HEMK2: variants seen among roughly 807,000 people sequenced by gnomAD.
HEMK2 encodes methyltransferase HEMK2.
At chr21:28,646,577 G>A in the HEMK2 span, among the ~76,000 whole-genome samples, 2 of 152,122 alleles carry the variant, frequency 1.3e-5, no homozygotes, top group African/African-American at 4.8e-5. Flanking sequence ...TTATCTCCAT[G>A]GTTCTATCAA....
At chr21:28,634,607 A>C in the HEMK2 span, among the ~76,000 whole-genome samples, 2 of 152,286 alleles carry the variant, frequency 1.3e-5, no homozygotes, top group South Asian at 4.1e-4. Context: ...ACTGAAAGAC[A>C]GTATGCACAG....
the HEMK2 span, among the ~76,000 whole-genome samples, chr21:28,658,415 A>T: frequency 6.6e-6 from 1 of 152,062 alleles, no homozygotes; most frequent in East Asian, 1.9e-4. Context: ...CTGATGAGGT[A>T]GCAGAGGAAT....
chr21:28,580,695 C>T, the HEMK2 span, among the ~76,000 whole-genome samples: 2 of 152,142 alleles, frequency 1.3e-5, no homozygotes, highest in African/African-American at 2.4e-5. Context: ...ACTCAGCCTC[C>T]TCCATGAAAC....
At chr21:28,876,019 A>G in the HEMK2 span, 1 of 161,964 alleles carries the variant, frequency 6.2e-6, no homozygotes, top group Non-Finnish European at 1.3e-5. Context: ...GAGCTGATAC[A>G]CACCGGAGAT....
chr21:28,628,294 A>G, the HEMK2 span, among the ~76,000 whole-genome samples: 1 of 152,162 alleles, frequency 6.6e-6, no homozygotes, highest in Non-Finnish European at 1.5e-5. Flanking sequence ...TATCAAAAAT[A>G]TGGTGTTTTT....
the HEMK2 span, chr21:28,878,321 C>A: frequency 6.2e-7 from 1 of 1,613,438 alleles, no homozygotes; most frequent in Non-Finnish European, 8.5e-7. Context: ...GCCTCTATTC[C>A]GTGACTTCCT....
chr21:28,609,566 GGAA>G, the HEMK2 span, among the ~76,000 whole-genome samples: 2,202 of 41,754 alleles, frequency 0.053, 79 homozygotes, highest in African/African-American at 0.12. Context: ...TGAATTGCCA[GGAA>G]AAAAAAAAAA....
At chr21:28,777,085 C>T in the HEMK2 span, among the ~76,000 whole-genome samples, 3 of 152,174 alleles carry the variant, frequency 2.0e-5, no homozygotes, top group Non-Finnish European at 4.4e-5. Flanking sequence ...AAAATGTGTT[C>T]ATTCAGTTTT....
chr21:28,700,808 C>A, the HEMK2 span, among the ~76,000 whole-genome samples: 2 of 144,458 alleles, frequency 1.4e-5, no homozygotes, highest in African/African-American at 5.4e-5. Context: ...CCAGTATCAT[C>A]CTGATACCAA....
the HEMK2 span, among the ~76,000 whole-genome samples, chr21:28,809,323 C>T: frequency 6.6e-6 from 1 of 152,088 alleles, no homozygotes; most frequent in Admixed American, 6.6e-5. Context: ...GTATCAGTAA[C>T]ATAATAACAG....
At chr21:28,800,600 G>A in the HEMK2 span, among the ~76,000 whole-genome samples, 2 of 151,920 alleles carry the variant, frequency 1.3e-5, no homozygotes, top group African/African-American at 4.8e-5. Flanking sequence ...AATATATATT[G>A]TGCATGTGTA....
At chr21:28,595,367 A>C in the HEMK2 span, among the ~76,000 whole-genome samples, 3,467 of 141,384 alleles carry the variant, frequency 0.025, 103 homozygotes, top group East Asian at 0.12. Flanking sequence ...CTATCCTTCC[A>C]CTCTCTATCT....
chr21:28,833,833 T>C, the HEMK2 span, among the ~76,000 whole-genome samples: 1 of 152,280 alleles, frequency 6.6e-6, no homozygotes, highest in Admixed American at 6.5e-5. Flanking sequence ...ATCTGTAAAA[T>C]GGGTATAGCA....
chr21:28,690,827 C>T, the HEMK2 span, among the ~76,000 whole-genome samples: 31 of 152,164 alleles, frequency 2.0e-4, no homozygotes, highest in African/African-American at 7.2e-4. Context: ...TACAGCATCT[C>T]CCTCCATCTC....
chr21:28,627,408 C>A, the HEMK2 span, among the ~76,000 whole-genome samples: 1 of 152,126 alleles, frequency 6.6e-6, no homozygotes, highest in African/African-American at 2.4e-5. Context: ...GTGCTCTGAG[C>A]AAAATATTGA....
the HEMK2 span, among the ~76,000 whole-genome samples, chr21:28,772,625 C>A: frequency 1.3e-5 from 2 of 152,170 alleles, no homozygotes; most frequent in African/African-American, 4.8e-5. Flanking sequence ...GCAAGTTTTG[C>A]TCATTGACTT....
chr21:28,771,315 T>TAA, the HEMK2 span, among the ~76,000 whole-genome samples: 1 of 152,178 alleles, frequency 6.6e-6, no homozygotes, highest in African/African-American at 2.4e-5. Context: ...TTTGGAAGTA[T>TAA]AAAGTCAGAT....
At chr21:28,806,347 A>G in the HEMK2 span, among the ~76,000 whole-genome samples, 2 of 152,356 alleles carry the variant, frequency 1.3e-5, no homozygotes, top group East Asian at 3.9e-4. Context: ...CATATGTAAC[A>G]TGACTGTAAC....
chr21:28,805,848 A>G, the HEMK2 span, among the ~76,000 whole-genome samples: 1 of 152,204 alleles, frequency 6.6e-6, no homozygotes, highest in African/African-American at 2.4e-5. Context: ...TACATGTTTT[A>G]AAAGTCTACA....
Sources: allele counts gnomAD v4.1 joint callset (sites outside exome capture counted in the v4.1 genomes callset), GRCh38; gene constraint gnomAD v4.1.1; transcripts MANE v1.5; gene names NCBI Gene and HGNC (gene_info 2026-07-23, HGNC 2026-07-21).